The following PAK5 variants were observed in gnomAD, a reference collection of about 807,000 sequenced individuals.
PAK5 encodes the protein p21 (RAC1) activated kinase 5.
In PAK5, 16 loss-of-function variants were observed where a neutral mutation model predicts 65.9. That is an observed-to-expected ratio of 0.24 (90% CI 0.16 to 0.37). The LOEUF (loss-of-function observed/expected upper bound fraction) is 0.37. Ranked by LOEUF, PAK5 falls within the 10% of genes least tolerant of loss-of-function variation. The pLI is 1.00. For missense variants in PAK5, 785 were observed against 903.9 expected, an observed-to-expected ratio of 0.87 and a Z score of 1.69; for synonymous variants, 371 against 354.9, an observed-to-expected ratio of 1.05 and a Z score of -0.51.
intron 3 of PAK5, among the ~76,000 whole-genome samples, chr20:9,590,357 C>A (rs1205822115): frequency 3.3e-5 from 5 of 152,106 alleles, no homozygotes; most frequent in Non-Finnish European, 7.3e-5. Flanking sequence ...TGATCTAGAG[C>A]AGAAGTCAGG....
At chr20:9,585,003 C>T (rs1021661145) in intron 3 of PAK5, among the ~76,000 whole-genome samples, 1 of 152,170 alleles carries the variant, frequency 6.6e-6, no homozygotes, top group Admixed American at 6.5e-5. Context: ...TTCTGAATCA[C>T]TGGATCTACT....
At chr20:9,587,087 C>T (rs932290463) in intron 3 of PAK5, among the ~76,000 whole-genome samples, 7 of 152,100 alleles carry the variant, frequency 4.6e-5, no homozygotes, top group Admixed American at 1.3e-4. Context: ...TGATTCCTGA[C>T]GTATACAAAG....
chr20:9,767,324 A>T (rs2048779812), intron 1 of PAK5, among the ~76,000 whole-genome samples: 1 of 152,194 alleles, frequency 6.6e-6, no homozygotes, highest in Admixed American at 6.5e-5. Flanking sequence ...CAATGAACTT[A>T]TCCTCATCAT....
chr20:9,664,712 T>C (rs2047389721), intron 2 of PAK5, among the ~76,000 whole-genome samples: 1 of 152,296 alleles, frequency 6.6e-6, no homozygotes, highest in African/African-American at 2.4e-5. Flanking sequence ...ATATTCATGC[T>C]TGGATGATAG....
chr20:9,684,301 G>A (rs997694845), intron 2 of PAK5, among the ~76,000 whole-genome samples: 1 of 152,184 alleles, frequency 6.6e-6, no homozygotes, highest in African/African-American at 2.4e-5. Flanking sequence ...TAAGGATTAT[G>A]GTTCCAGGAT....
chr20:9,833,653 G>A (rs6056919), intron 1 of PAK5, among the ~76,000 whole-genome samples: 68,602 of 151,870 alleles, frequency 0.45, 15,762 homozygotes, highest in East Asian at 0.71. Flanking sequence ...ATTTTTATAT[G>A]GTGATTCTTC....
intron 2 of PAK5, among the ~76,000 whole-genome samples, chr20:9,682,842 G>T (rs1283455480): frequency 2.0e-5 from 3 of 152,194 alleles, no homozygotes; most frequent in African/African-American, 7.2e-5. Context: ...CCATTGGAAT[G>T]ACAACATCTT....
intron 1 of PAK5, among the ~76,000 whole-genome samples, chr20:9,755,537 G>C (rs2048624085): frequency 6.6e-6 from 1 of 152,150 alleles, no homozygotes; most frequent in Admixed American, 6.5e-5. Context: ...CCATGAAGAT[G>C]ACACAAACCA....
intron 2 of PAK5, among the ~76,000 whole-genome samples, chr20:9,685,307 G>T (rs538423801): frequency 4.6e-5 from 7 of 152,254 alleles, no homozygotes; most frequent in African/African-American, 1.7e-4. Flanking sequence ...CAAGGTCTCA[G>T]AATGTGACTT....
In PAK5 at chr20:9,542,656, T is replaced by C. The variant is rs1176164082; in HGVS notation, c.1934A>G (p.Asn645Ser). ...CCGCATCGCCTGGAGGGGAGGCTCA[T>C]TGAAGTAGGGGGGCTCGCCATCAAT... Reference protein sequence around the residue: ...EMIDGEPPYFNEPPLQAMRRI... With the variant: ...EMIDGEPPYFSEPPLQAMRRI... The change falls in exon 9 of 10, where the codon AAT (asparagine) becomes AGT (serine). Residue 645 changes from asparagine (N) to serine (S), a missense_variant. Coordinates refer to ENST00000353224, the MANE Select transcript of PAK5 (RefSeq NM_177990.4). The C allele has an allele frequency of 4.3e-6, 7 of 1,614,010 alleles. No individual in the cohort carries two copies. Among genetic ancestry groups the C allele is most frequent in the Middle Eastern group, 1.7e-4 (1 of 6,058 alleles).
chr20:9,700,810 G>A (rs2047929782), intron 2 of PAK5, among the ~76,000 whole-genome samples: 1 of 152,144 alleles, frequency 6.6e-6, no homozygotes, highest in Non-Finnish European at 1.5e-5. Context: ...GAACTTGTCT[G>A]CAGGCTAGAT....
intron 1 of PAK5, among the ~76,000 whole-genome samples, chr20:9,777,880 A>G (rs2048902878): frequency 6.6e-6 from 1 of 152,192 alleles, no homozygotes; most frequent in Non-Finnish European, 1.5e-5. Flanking sequence ...AAACAGAGGC[A>G]CAAATTAGGG....
In PAK5 at chr20:9,617,479, T is replaced by C. The variant is rs2046678948; in HGVS notation, c.204+26646A>G. Among the ~76,000 whole-genome samples the C allele has an allele frequency of 6.6e-5, 10 of 152,076 alleles. No homozygotes were observed. The South Asian group carries it at 2.1e-3, about 32-fold the overall frequency. On this transcript the variant is annotated intron_variant, in intron 3 of 9. Coordinates refer to ENST00000353224, the MANE Select transcript of PAK5 (RefSeq NM_177990.4). ...CACAGTTAAGCGCTTAATTGCTTAA[T>C]TGTAATATGATAAAACTGAGGCTGA...
At chr20:9,664,603 A>T (rs536264630) in intron 2 of PAK5, among the ~76,000 whole-genome samples, 2 of 152,198 alleles carry the variant, frequency 1.3e-5, no homozygotes, top group Non-Finnish European at 2.9e-5. Context: ...TTTCGTTTTT[A>T]TAAAATAACC....
chr20:9,556,248 G>T (rs1339687246), intron 7 of PAK5, among the ~76,000 whole-genome samples: 20 of 152,198 alleles, frequency 1.3e-4, no homozygotes, highest in Non-Finnish European at 5.9e-5. Flanking sequence ...TCCCAAGTTT[G>T]CAAATTGTGT....
chr20:9,756,473 C>T (rs942663174), intron 1 of PAK5, among the ~76,000 whole-genome samples: 1 of 151,886 alleles, frequency 6.6e-6, no homozygotes, highest in Non-Finnish European at 1.5e-5. Flanking sequence ...CCACACACCA[C>T]CCCCAGCCTC....
chr20:9,796,733 A>G (rs1188746648), intron 1 of PAK5, among the ~76,000 whole-genome samples: 1 of 152,124 alleles, frequency 6.6e-6, no homozygotes. Flanking sequence ...GGCAGTGGAA[A>G]TGGAAATGTG....
In PAK5 at chr20:9,757,576, G is replaced by A. The variant is rs149086186; in HGVS notation, c.-161-46141C>T. Among the ~76,000 whole-genome samples the A allele has an allele frequency of 6.8e-4, 104 of 152,234 alleles. 1 individual carries two copies. Among genetic ancestry groups the A allele is most frequent in the African/African-American group, 2.3e-3 (94 of 41,564 alleles). On this transcript the variant is annotated intron_variant, in intron 1 of 9. Transcript: ENST00000353224. ...TTTAAAAGAAATACCAGAGTTCAGA[G>A]GTTCTGAGATTCAGTGGAGGGTTTT...
chr20:9,777,011 T>C (rs1031257248), intron 1 of PAK5, among the ~76,000 whole-genome samples: 3 of 152,010 alleles, frequency 2.0e-5, no homozygotes, highest in African/African-American at 7.3e-5. Flanking sequence ...TTGAAAGAAA[T>C]GGAAAGGTAT....
Sources: gnomAD v4.1 joint callset for allele counts (sites outside exome capture counted in the v4.1 genomes callset) on GRCh38, gnomAD v4.1.1 for gene constraint, MANE v1.5 for transcripts, NCBI Gene and HGNC (gene_info 2026-07-23, HGNC 2026-07-21) for gene names.